WDFY4: variants seen among roughly 807,000 people sequenced by gnomAD.
The protein encoded by WDFY4 is WDFY family member 4, also known as WD repeat- and FYVE domain-containing protein 4.
A neutral mutation model predicts 351.9 loss-of-function variants in WDFY4; 169 were observed. The observed-to-expected ratio is 0.48, with a 90% CI of 0.42 to 0.55. WDFY4 has a LOEUF of 0.55. Ranked by LOEUF, WDFY4 falls within the 20% of genes least tolerant of loss-of-function variation. The pLI, the probability that WDFY4 is intolerant of heterozygous loss-of-function variation, is 0.00. For missense variants in WDFY4, 3,803 were observed against 3,935.6 expected (o/e 0.97, Z 0.90); for synonymous variants, 1,622 against 1,574.6 (o/e 1.03, Z -0.71).
intron 53 of WDFY4, 140 bp downstream of exon 53, chr10:48,959,953 G>T (rs1841784386): frequency 5.2e-6 from 4 of 765,460 alleles, no homozygotes; most frequent in Middle Eastern, 3.9e-4. Flanking sequence ...AAGGGATGGG[G>T]TCTATACCTT....
intron 52 of WDFY4, among the ~76,000 whole-genome samples, chr10:48,958,268 C>G (rs570643505): frequency 6.6e-6 from 1 of 152,336 alleles, no homozygotes; most frequent in East Asian, 1.9e-4. Context: ...ACCTGGGGAC[C>G]TTGGTGGTGT....
At chr10:48,704,289 G>A (rs1565109907) in intron 1 of WDFY4, among the ~76,000 whole-genome samples, 1 of 152,152 alleles carries the variant, frequency 6.6e-6, no homozygotes, top group African/African-American at 2.4e-5. Flanking sequence ...TCCCATCCTG[G>A]CCCCACTGCC....
At chr10:48,792,716 T>C (rs538587280) in intron 23 of WDFY4, among the ~76,000 whole-genome samples, 5 of 152,232 alleles carry the variant, frequency 3.3e-5, no homozygotes, top group Non-Finnish European at 7.3e-5. Flanking sequence ...ATAATTTTAA[T>C]ATAAATAAAA....
chr10:48,968,179 C>T (rs1442503342), intron 55 of WDFY4: 1 of 152,252 alleles, frequency 6.6e-6, no homozygotes, highest in Non-Finnish European at 1.5e-5. Flanking sequence ...AATGGCCCTG[C>T]CCTCAGGCTT....
rs1393940101 is a variant in WDFY4 at position 48,731,569 on chromosome 10, C to G, written c.1582+7C>G. ...AAGATCATGAGGAAGTCAGGTGCCA[C>G]TGGGTGCATTGGGAGGGATGGGCAG... is the stretch of plus-strand genomic sequence containing the variant. On this transcript the variant is annotated splice_region_variant and intron_variant, in intron 9 of 61. Coordinates refer to ENST00000325239, the MANE Select transcript of WDFY4 (RefSeq NM_001394531.1). 7 of 1,548,236 alleles carry G rather than the reference C, an allele frequency of 4.5e-6. No homozygotes were observed. The highest frequency in any genetic ancestry group is 6.1e-6 in the Non-Finnish European group (7 of 1,145,958).
intron 39 of WDFY4, among the ~76,000 whole-genome samples, chr10:48,866,868 G>C (rs769707497): frequency 6.6e-6 from 1 of 152,140 alleles, no homozygotes; most frequent in Non-Finnish European, 1.5e-5. Flanking sequence ...CAATTGGTCA[G>C]TATAGAGACG....
At chr10:48,936,538 G>A (rs1019187346) in intron 47 of WDFY4, among the ~76,000 whole-genome samples, 1 of 152,088 alleles carries the variant, frequency 6.6e-6, no homozygotes, top group African/African-American at 2.4e-5. Flanking sequence ...AAAACCGTAT[G>A]AAAATTAAAA....
chr10:48,843,899 A>G (rs1333328009), intron 39 of WDFY4, among the ~76,000 whole-genome samples: 1 of 152,264 alleles, frequency 6.6e-6, no homozygotes, highest in South Asian at 2.1e-4. Context: ...TTTCAAAAAC[A>G]TATTCATCAA....
In WDFY4 at chr10:48,788,618, T is replaced by A. The variant is rs1352156357; in HGVS notation, c.3897T>A (p.Ser1299Arg). ...GLHIASSSITSVADIRNAYNE... is the reference protein window; with the variant it reads ...GLHIASSSITRVADIRNAYNE... ...ACATAGCCAGCTCCTCTATCACCAG[T>A]GTAGCGGACATCAGAAATGCTTACA... Residue 1299 changes from serine to arginine, a missense_variant, in exon 21 of 62, where the codon AGT (serine) becomes AGA (arginine). Ser to Arg is a moderately radical substitution (Grantham distance 110, BLOSUM62 -1). This residue lies in a region of WDFY4 where 3,054 missense variants were observed against 3,148.6 expected (regional missense o/e 0.97). Transcript: ENST00000325239. The A allele has an allele frequency of 6.4e-7, 1 of 1,551,780 alleles. No individual in the cohort carries two copies. The highest frequency in any genetic ancestry group is 2.4e-5 in the East Asian group (1 of 40,930).
At position 48,731,307 on chromosome 10, in the gene WDFY4, C is replaced by T. The variant is rs766845809; in HGVS notation, c.1327C>T (p.Pro443Ser). ...AGAGATCATGCCCCTGAAGCCGGCC[C>T]CAGTGCAGGAACACTTCTTCCAGCT... ...FVEIMPLKPAPVQEHFFQLLE... is the reference protein window; with the variant it reads ...FVEIMPLKPASVQEHFFQLLE... The change falls in exon 9 of 62, where the codon CCA becomes TCA. Residue 443 changes from proline to serine, a missense_variant. Pro to Ser is a moderately conservative substitution (Grantham distance 74). Transcript: ENST00000325239. The T allele has an allele frequency of 6.4e-7, 1 of 1,551,882 alleles. No individual in the cohort carries two copies. The highest frequency in any genetic ancestry group is 1.2e-5 in the South Asian group (1 of 84,066).
intron 21 of WDFY4, 134 bp from the exon 22 acceptor site, chr10:48,789,740 T>C (rs2066615285): frequency 2.6e-6 from 2 of 759,808 alleles, no homozygotes; most frequent in South Asian, 3.4e-5. Flanking sequence ...TCAATTGCTA[T>C]TCATTCCATG....
In WDFY4 at chr10:48,776,815, C is replaced by G. The variant is rs1449990479; in HGVS notation, c.2929C>G (p.Pro977Ala). ...AGCTGCCCCAGATGCTGGGCTGCAC[C>G]CTGGAGTCACACAGGCCCCGCAGCC... is the stretch of plus-strand genomic sequence containing the variant. ...WPAAPDAGLH[P>A]GVTQAPQPLG... The change falls in exon 16 of 62, where the codon CCT (proline) becomes GCT (alanine). Residue 977 changes from proline (P) to alanine (A), a missense_variant. Around this residue, in one of 3 missense-constraint regions of WDFY4, gnomAD observed 3,054 missense variants for 3,148.6 expected, o/e 0.97. Transcript: ENST00000325239. 2 of 1,551,492 alleles carry G rather than the reference C, an allele frequency of 1.3e-6. No homozygotes were observed. The highest frequency in any genetic ancestry group is 1.7e-4 in the Middle Eastern group (1 of 6,014).
At chr10:48,688,990 G>T (rs1163248802) in intron 1 of WDFY4, among the ~76,000 whole-genome samples, 3 of 152,206 alleles carry the variant, frequency 2.0e-5, no homozygotes, top group Non-Finnish European at 4.4e-5. Flanking sequence ...CAAAGATGGA[G>T]ATGCTTGTTA....
At chr10:48,798,922 C>T (rs112467318) in intron 24 of WDFY4, among the ~76,000 whole-genome samples, 34 of 152,354 alleles carry the variant, frequency 2.2e-4, no homozygotes, top group African/African-American at 7.9e-4. Flanking sequence ...AGGAAGCCAG[C>T]ATGGCCTGGA....
At chr10:48,828,975 G>C in intron 37 of WDFY4, 79 bp downstream of exon 37, 2 of 757,046 alleles carry the variant, frequency 2.6e-6, no homozygotes, top group Middle Eastern at 3.9e-4. Flanking sequence ...GTACCTGCTA[G>C]GGTTGCATTC....
intron 58 of WDFY4, 187 bp downstream of exon 58, chr10:48,975,228 C>G: frequency 1.3e-6 from 1 of 748,108 alleles, no homozygotes; most frequent in Non-Finnish European, 2.2e-6. Flanking sequence ...ATGTCCGCTT[C>G]TTTACTTTCC....
chr10:48,959,711 A>T lies in WDFY4; in HGVS notation c.8132-11A>T. On this transcript the variant is annotated splice_polypyrimidine_tract_variant and intron_variant, in intron 52 of 61. Transcript: ENST00000325239. ...GTTACCCAAATCTCTGCTGCTTCTC[A>T]TCCCATGCAGGCTGCATGCAGGACG... The T allele has an allele frequency of 1.3e-6, 2 of 1,551,236 alleles. No individual in the cohort carries two copies. The highest frequency in any genetic ancestry group is 1.7e-6 in the Non-Finnish European group (2 of 1,146,660).
intron 24 of WDFY4, among the ~76,000 whole-genome samples, chr10:48,802,459 C>A (rs540696846): frequency 6.6e-6 from 1 of 152,328 alleles, no homozygotes; most frequent in East Asian, 1.9e-4. Flanking sequence ...TAAGTGCAAG[C>A]TCTTTTTGCT....
chr10:48,923,918 C>A (rs1306610787), intron 47 of WDFY4, among the ~76,000 whole-genome samples: 1 of 152,196 alleles, frequency 6.6e-6, no homozygotes, highest in Non-Finnish European at 1.5e-5. Context: ...GGACATCCAG[C>A]CAGTTGGGCC....
Sources: allele counts gnomAD v4.1 joint callset (sites outside exome capture counted in the v4.1 genomes callset), GRCh38; gene constraint gnomAD v4.1.1; regional missense constraint gnomAD v4.1.1; transcripts MANE v1.5; gene names NCBI Gene and HGNC (gene_info 2026-07-23, HGNC 2026-07-21).